MYO16: variants seen among roughly 807,000 people sequenced by gnomAD.
The protein encoded by MYO16 is unconventional myosin-XVI.
In MYO16, 94 loss-of-function variants were observed where a neutral mutation model predicts 205.3. That is an observed-to-expected ratio of 0.46 (90% CI 0.39 to 0.54). The LOEUF is 0.54. Among genes scored for constraint, MYO16 ranks in the 20% least tolerant of loss-of-function variants. The probability of loss-of-function intolerance (pLI) is 0.00; values close to 1 mark genes in which losing one functional copy is unlikely to be tolerated. For missense variants in MYO16, 2,315 were observed against 2,387.5 expected (o/e 0.97, Z 0.63); for synonymous variants, 988 against 954.0 (o/e 1.04, Z -0.66).
chr13:109,058,270 G>T (rs1001960936), intron 27 of MYO16, among the ~76,000 whole-genome samples: 28 of 152,184 alleles, frequency 1.8e-4, no homozygotes, highest in African/African-American at 6.7e-4. Context: ...GGTGATCAAA[G>T]CAAACTTGTG....
intron 1 of MYO16, among the ~76,000 whole-genome samples, chr13:108,607,344 A>T (rs1878996524): frequency 6.6e-6 from 1 of 152,022 alleles, no homozygotes; most frequent in Non-Finnish European, 1.5e-5. Flanking sequence ...TTTAACCTGG[A>T]TTGTAATCCC....
chr13:109,028,150 C>G (rs1316497580), intron 23 of MYO16, among the ~76,000 whole-genome samples: 4 of 151,792 alleles, frequency 2.6e-5, no homozygotes, highest in African/African-American at 9.7e-5. Flanking sequence ...ACAGTATTTT[C>G]TGGCCCTTCT....
chr13:108,605,388 T>C (rs192549687), intron 1 of MYO16, among the ~76,000 whole-genome samples: 22 of 152,202 alleles, frequency 1.4e-4, no homozygotes, highest in African/African-American at 5.3e-4. Flanking sequence ...GGTACTGATA[T>C]GGTCTGGCTC....
chr13:108,760,435 CT>C lies in MYO16; in HGVS notation c.508-25198del, dbSNP rs150557049. 4.4e-3 allele frequency among the ~76,000 whole-genome samples: 668 copies of C among 151,510 alleles called. 5 individuals are homozygous for C. The highest frequency in any genetic ancestry group is 0.015 in the African/African-American group (627 of 41,374). ...TTATAAATCTATTCCATATCTGCTT[CT>C]TCTTGGCTGACAGTAAATCCTTAAT... On this transcript the variant is annotated intron_variant, in intron 4 of 34. Coordinates refer to ENST00000457511, the MANE Select transcript of MYO16 (RefSeq NM_001198950.3).
At chr13:109,203,423 AC>A (rs1350150687) in intron 34 of MYO16, among the ~76,000 whole-genome samples, 1 of 149,728 alleles carries the variant, frequency 6.7e-6, no homozygotes, top group African/African-American at 2.5e-5. Context: ...TTTTATGTTG[AC>A]TTTTTTTTTT....
chr13:108,751,742 C>T (rs553471015), intron 4 of MYO16, among the ~76,000 whole-genome samples: 1 of 152,172 alleles, frequency 6.6e-6, no homozygotes, highest in Non-Finnish European at 1.5e-5. Flanking sequence ...CTCTGTGAGA[C>T]ACCTCCAAAA....
rs11841503 is a variant in MYO16, at chr13:108,666,745, A to T, written c.292+596A>T. 3.7e-3 allele frequency among the ~76,000 whole-genome samples: 568 copies of T among 152,282 alleles called. 4 individuals are homozygous for T. The highest frequency in any genetic ancestry group is 0.012 in the African/African-American group (485 of 41,560). On this transcript the variant is annotated intron_variant, in intron 2 of 34. Coordinates refer to ENST00000457511, the MANE Select transcript of MYO16 (RefSeq NM_001198950.3). ...CCCTTAAAGTTGTTTGGCTTGTGGT[A>T]TCATGTTTTTCTAAGATTACCCAAT... is the stretch of plus-strand genomic sequence containing the variant.
intron 12 of MYO16, among the ~76,000 whole-genome samples, chr13:108,873,270 GA>G (rs1879152993): frequency 6.6e-6 from 1 of 152,164 alleles, no homozygotes; most frequent in Non-Finnish European, 1.5e-5. Context: ...AGATTATAAA[GA>G]CGAGGAGAAT....
At chr13:108,581,223 A>G in the MYO16 span, among the ~76,000 whole-genome samples, 1 of 152,192 alleles carries the variant, frequency 6.6e-6, no homozygotes, top group Non-Finnish European at 1.5e-5. Flanking sequence ...AAAGTCATAT[A>G]GCAAAAAGAA....
chr13:108,603,479 T>C (rs896885788), intron 1 of MYO16, among the ~76,000 whole-genome samples: 1 of 152,194 alleles, frequency 6.6e-6, no homozygotes, highest in African/African-American at 2.4e-5. Context: ...AGATGTTGAA[T>C]CTTTGAAATA....
At chr13:109,172,296 ATGT>A (rs1181490799) in intron 33 of MYO16, among the ~76,000 whole-genome samples, 1 of 152,246 alleles carries the variant, frequency 6.6e-6, no homozygotes, top group African/African-American at 2.4e-5. Context: ...AATCTGGAAT[ATGT>A]TGCAATCATC....
intron 4 of MYO16, among the ~76,000 whole-genome samples, chr13:108,731,009 T>TG (rs1884503924): frequency 1.3e-5 from 2 of 152,258 alleles, no homozygotes; most frequent in Non-Finnish European, 1.5e-5. Flanking sequence ...TTTGTTCTTA[T>TG]GAGATACAGT....
intron 18 of MYO16, 62 bp from the exon 19 acceptor site, chr13:108,962,362 T>C: frequency 7.5e-7 from 1 of 1,339,400 alleles, no homozygotes; most frequent in African/African-American, 1.5e-5. Context: ...GCCATAAAAT[T>C]CAATGTTCTT....
At chr13:108,826,811 G>A (rs1876296105) in intron 9 of MYO16, among the ~76,000 whole-genome samples, 1 of 152,066 alleles carries the variant, frequency 6.6e-6, no homozygotes, top group Admixed American at 6.6e-5. Context: ...AAAGCCAAAT[G>A]GAAACCACCA....
At chr13:108,798,791 C>T (rs565603390) in intron 6 of MYO16, among the ~76,000 whole-genome samples, 15 of 144,590 alleles carry the variant, frequency 1.0e-4, no homozygotes, top group African/African-American at 3.1e-4. Context: ...CTGCAAGCTC[C>T]GCCTCCCGGG....
At chr13:109,017,520 C>T (rs146517642) in intron 22 of MYO16, among the ~76,000 whole-genome samples, 5 of 152,186 alleles carry the variant, frequency 3.3e-5, no homozygotes, top group South Asian at 4.2e-4. Flanking sequence ...CTGCCTTGCT[C>T]GGTTGGGGAA....
chr13:108,665,129 A>T (rs1199418179), intron 1 of MYO16, among the ~76,000 whole-genome samples: 3 of 152,192 alleles, frequency 2.0e-5, no homozygotes, highest in African/African-American at 7.2e-5. Context: ...TCTGTTGCCC[A>T]GACTGGAGTG....
chr13:109,179,820 T>C (rs1345971780), intron 34 of MYO16, among the ~76,000 whole-genome samples, 187 bp downstream of exon 34: 1 of 152,136 alleles, frequency 6.6e-6, no homozygotes, highest in Non-Finnish European at 1.5e-5. Context: ...ATTTTCTGCT[T>C]GTTTCCAAAA....
the MYO16 span, among the ~76,000 whole-genome samples, chr13:108,507,470 C>A: frequency 2.7e-4 from 41 of 152,114 alleles, no homozygotes; most frequent in Admixed American, 1.3e-3. Flanking sequence ...TGTAAGATTT[C>A]TGCTGAGAAA....
Sources: allele counts gnomAD v4.1 joint callset (sites outside exome capture counted in the v4.1 genomes callset), GRCh38; gene constraint gnomAD v4.1.1; transcripts MANE v1.5; gene names NCBI Gene and HGNC (gene_info 2026-07-23, HGNC 2026-07-21).